The following SPPL2B variants were observed in gnomAD, a reference collection of about 807,000 sequenced individuals.
SPPL2B encodes signal peptide peptidase-like 2B.
In SPPL2B, 39 loss-of-function variants were observed where a neutral mutation model predicts 59.7. The observed-to-expected ratio is 0.65, with a 90% CI of 0.51 to 0.85. The LOEUF is 0.85. Ranked by LOEUF, SPPL2B falls within the 40% of genes least tolerant of loss-of-function variation. SPPL2B has a pLI of 0.00. For synonymous variants in SPPL2B, 419 were observed against 370.8 expected (o/e 1.13, Z -1.49); for missense variants, 865 against 849.0 (o/e 1.02, Z -0.23).
At chr19:2,337,138 G>T (rs563506851) in intron 2 of SPPL2B, 1 of 294,822 alleles carries the variant, frequency 3.4e-6, no homozygotes, top group Non-Finnish European at 6.3e-6. Context: ...GTGGGGCTGC[G>T]GTGGGGACCC....
Position 2,345,330 on chromosome 19 carries a change from G to A in SPPL2B, c.1354G>A (p.Ala452Thr), listed in dbSNP as rs781633405. ...SRVYFVACTI[A>T]YGVGLLVTFV... The stretch of plus-strand genomic sequence containing the variant: ...GGTATACTTCGTGGCCTGCACCATC[G>A]GTAAGTGCCTCGGTTGGGCCCGTGC... Residue 452 changes from alanine (A) to threonine (T), a missense_variant and splice_region_variant, in exon 13 of 15, where the codon GCC (alanine) becomes ACC (threonine). By Grantham distance (58) the Ala-to-Thr change is moderately conservative. Transcript: ENST00000613503. 2.5e-6 allele frequency: 4 copies of A among 1,612,958 alleles called. No homozygotes were observed. Among genetic ancestry groups the A allele is most frequent in the African/African-American group, 2.7e-5 (2 of 75,002 alleles).
rs1328899587 is a variant in SPPL2B, at chr19:2,354,835, C to T, written c.*1626C>T. On this transcript the variant is annotated 3_prime_UTR_variant, in exon 15 of 15. Transcript: ENST00000613503. Reference sequence around the variant, plus strand: ...CGGCCTCTGCCTCCGCAGTGCACGGCTTGGGGCATCTGCTCTGTGCAGGTC... The same window carrying T: ...CGGCCTCTGCCTCCGCAGTGCACGGTTTGGGGCATCTGCTCTGTGCAGGTC... The T allele has an allele frequency of 6.6e-6, 1 of 152,280 alleles. No individual in the cohort carries two copies. The highest frequency in any genetic ancestry group is 1.5e-5 in the Non-Finnish European group (1 of 68,086). 9.4% of individuals were successfully genotyped at this position (152,280 alleles called of 1,614,324 possible).
intron 2 of SPPL2B, 53 bp from the exon 3 acceptor site, chr19:2,337,389 GC>G (rs1968712613): frequency 1.3e-6 from 2 of 1,495,818 alleles, no homozygotes; most frequent in Admixed American, 4.0e-5. Context: ...GGGCAGCTGG[GC>G]CCTCCTGGTG....
Position 2,337,594 on chromosome 19 carries a change from G to A in SPPL2B, c.338G>A (p.Arg113His), listed in dbSNP as rs773027839. 1.0e-5 allele frequency: 16 copies of A among 1,596,462 alleles called. No homozygotes were observed. The highest frequency in any genetic ancestry group is 1.8e-4 in the Middle Eastern group (1 of 5,700). Reference sequence around the variant, plus strand: ...AGGCTGGCCCAGGGCAGCGGAGCACGCGGGCTGCTCATCGTCAGCAGGGAG... The same window carrying A: ...AGGCTGGCCCAGGGCAGCGGAGCACACGGGCTGCTCATCGTCAGCAGGGAG... ...KVRLAQGSGA[R>H]GLLIVSRERL... Residue 113 changes from arginine to histidine, a missense_variant, in exon 3 of 15, where the codon CGC (arginine) becomes CAC (histidine). By Grantham distance (29) the Arg-to-His change is conservative (BLOSUM62 0). Transcript: ENST00000613503.
chr19:2,350,144 C>T (rs1412353505), intron 13 of SPPL2B, among the ~76,000 whole-genome samples: 3 of 150,610 alleles, frequency 2.0e-5, no homozygotes, highest in Admixed American at 1.3e-4. Flanking sequence ...TCCGTTCTCT[C>T]TCTCCACACA....
intron 1 of SPPL2B, among the ~76,000 whole-genome samples, chr19:2,331,551 C>G (rs1219649247): frequency 6.6e-6 from 1 of 152,076 alleles, no homozygotes; most frequent in African/African-American, 2.4e-5. Context: ...GTTCTCTGGC[C>G]TTTGATAGAG....
Position 2,353,057 on chromosome 19 carries a change from T to A in SPPL2B, c.1627T>A (p.Ser543Thr). 6.2e-7 allele frequency: 1 copy of A among 1,611,432 alleles called. No individual in the cohort carries two copies. The highest frequency in any genetic ancestry group is 8.5e-7 in the Non-Finnish European group (1 of 1,179,488). ...GCCGCCCAGCGAAGAACCAGCCACA[T>A]CCCCCTGGCCTGCTGAGCAGTCCCC... The part of the protein sequence containing the change: ...PQPPSEEPAT[S>T]PWPAEQSPKS... Residue 543 changes from serine to threonine, a missense_variant, in exon 15 of 15, where the codon TCC becomes ACC. Transcript: ENST00000613503.
intron 2 of SPPL2B, among the ~76,000 whole-genome samples, chr19:2,336,917 A>G (rs1329795437): frequency 6.6e-5 from 7 of 106,342 alleles, no homozygotes; most frequent in South Asian, 2.9e-4. Flanking sequence ...GTGTGTGTGC[A>G]TGTATGCATG....
intron 1 of SPPL2B, among the ~76,000 whole-genome samples, chr19:2,333,388 G>A (rs987047493): frequency 2.6e-5 from 4 of 152,186 alleles, no homozygotes; most frequent in African/African-American, 9.6e-5. Context: ...GGAGGACCGT[G>A]GTTCTGCCTA....
rs374736782 is a variant in SPPL2B at position 2,340,038 on chromosome 19, C to T, written c.743-38C>T. 1.1e-4 allele frequency: 176 copies of T among 1,566,504 alleles called. 2 individuals are homozygous for T. The Admixed American group carries it at 1.6e-3, about 14-fold the overall frequency. ...CCCCGTGCGGAGGGAGGGTGGCGTG[C>T]GGGCCTGGCCCCCGGCCTCACGGCC... On this transcript the variant is annotated intron_variant, in intron 6 of 14. Coordinates refer to ENST00000613503, the MANE Select transcript of SPPL2B (RefSeq NM_152988.3).
rs1261781601 is a variant in SPPL2B, at chr19:2,353,302, C to A, written c.*93C>A. ...GAGACAGACAGACAGACGCCTGTCC[C>A]CCGGGACCGAGGCCTGTGCCGTCCC... On this transcript the variant is annotated 3_prime_UTR_variant, in exon 15 of 15. Coordinates refer to ENST00000613503, the MANE Select transcript of SPPL2B (RefSeq NM_152988.3). 2 of 1,414,222 alleles carry A rather than the reference C, an allele frequency of 1.4e-6. No individual in the cohort carries two copies. Among genetic ancestry groups the A allele is most frequent in the African/African-American group, 2.9e-5 (2 of 69,728 alleles). The allele number at this position is 1,414,222 out of a possible 1,614,324, so 87.6% of individuals were successfully genotyped here.
In SPPL2B at chr19:2,351,579, G is replaced by A. The variant is rs184304965; in HGVS notation, c.1500G>A (p.Thr500=). 530 of 1,610,050 alleles carry A rather than the reference G, an allele frequency of 3.3e-4. No individual in the cohort carries two copies. The highest frequency in any genetic ancestry group is 4.1e-4 in the Non-Finnish European group (485 of 1,178,366). The part of the protein sequence containing the change: ...LWRRELGVFW[T]GSGFAKVLPP... ...GCCGGGAGCTGGGCGTGTTCTGGACGGGCAGCGGCTTTGCGGTGAATACCA... is the reference window on the plus strand; with the variant it reads ...GCCGGGAGCTGGGCGTGTTCTGGACAGGCAGCGGCTTTGCGGTGAATACCA... The change falls in exon 14 of 15, where the codon ACG becomes ACA. Residue 500 remains threonine (T), a synonymous_variant. Transcript: ENST00000613503.
Position 2,353,010 on chromosome 19 carries a change from C to T in SPPL2B, c.1580C>T (p.Ser527Phe), listed in dbSNP as rs1970014848. The T allele has an allele frequency of 1.9e-6, 3 of 1,612,234 alleles. No individual in the cohort carries two copies. The highest frequency in any genetic ancestry group is 2.2e-5 in the East Asian group (1 of 44,864). The change falls in exon 15 of 15, where the codon TCT becomes TTT. Residue 527 changes from serine (S) to phenylalanine (F), a missense_variant. By Grantham distance (155) the Ser-to-Phe change is radical. Transcript: ENST00000613503. Reference protein sequence around the residue: ...PADGPQPPKDSATPLSPQPPS... With the variant: ...PADGPQPPKDFATPLSPQPPS... ...GACGGCCCGCAGCCTCCCAAAGACT[C>T]TGCCACGCCACTCTCCCCGCAGCCG... is the stretch of plus-strand genomic sequence containing the variant.
At chr19:2,344,287 C>T in intron 10 of SPPL2B, 75 bp from the exon 11 acceptor site, 1 of 887,452 alleles carries the variant, frequency 1.1e-6, no homozygotes, top group South Asian at 1.5e-5. Flanking sequence ...CACCCTGCCC[C>T]CTCGCCCCAT....
intron 1 of SPPL2B, among the ~76,000 whole-genome samples, chr19:2,331,789 C>T (rs922540817): frequency 2.6e-5 from 4 of 152,240 alleles, no homozygotes; most frequent in African/African-American, 9.7e-5. Flanking sequence ...TTGCTGGGCT[C>T]TGTGGCCCAC....
At chr19:2,331,981 G>A (rs1343534707) in intron 1 of SPPL2B, among the ~76,000 whole-genome samples, 1 of 152,244 alleles carries the variant, frequency 6.6e-6, no homozygotes, top group African/African-American at 2.4e-5. Flanking sequence ...GAGGGGTTCT[G>A]GGGGGCTGTG....
At chr19:2,338,918 T>C in intron 4 of SPPL2B, 77 bp downstream of exon 4, 1 of 1,526,490 alleles carries the variant, frequency 6.6e-7, no homozygotes, top group Non-Finnish European at 8.9e-7. Flanking sequence ...CGGGGGGGTT[T>C]GTGCCTCAGT....
In SPPL2B at chr19:2,343,275, C is replaced by T. The variant is rs750570624; in HGVS notation, c.1021C>T (p.Arg341Cys). 13 of 1,553,764 alleles carry T rather than the reference C, an allele frequency of 8.4e-6. 1 individual carries two copies. Among genetic ancestry groups the T allele is most frequent in the Non-Finnish European group, 9.6e-6 (11 of 1,148,240 alleles). Residue 341 changes from arginine to cysteine, a missense_variant, in exon 9 of 15, where the codon CGT becomes TGT. Coordinates refer to ENST00000613503, the MANE Select transcript of SPPL2B (RefSeq NM_152988.3). ...CTGCCTCTACATGCTGAAGACCATC[C>T]GTCTGCCCACCTTCAAGGTGAGTGC... ...AFCLYMLKTI[R>C]LPTFKACTLL...
chr19:2,331,134 T>C (rs960695956), intron 1 of SPPL2B, among the ~76,000 whole-genome samples: 20 of 152,050 alleles, frequency 1.3e-4, no homozygotes, highest in Admixed American at 6.5e-4. Flanking sequence ...CGGAGCCCGC[T>C]CCTCAGCAGA....
Sources: gnomAD v4.1 joint callset for allele counts (sites outside exome capture counted in the v4.1 genomes callset) on GRCh38, gnomAD v4.1.1 for gene constraint, MANE v1.5 for transcripts, NCBI Gene and HGNC (gene_info 2026-07-23, HGNC 2026-07-21) for gene names.